SLC24A2: variants seen among roughly 807,000 people sequenced by gnomAD.
SLC24A2 encodes solute carrier family 24 member 2.
In SLC24A2, 36 loss-of-function variants were observed where a neutral mutation model predicts 62.0. The observed-to-expected ratio is 0.58, with a 90% CI of 0.44 to 0.77. The LOEUF is 0.77. SLC24A2 is among the 30% of genes least tolerant of loss of function. The pLI, the probability that SLC24A2 is intolerant of heterozygous loss-of-function variation, is 0.00. For missense variants in SLC24A2, 846 were observed against 817.9 expected (o/e 1.03, Z -0.42); for synonymous variants, 358 against 294.0 (o/e 1.22, Z -2.23).
chr9:20,008,086 G>A, the SLC24A2 span, among the ~76,000 whole-genome samples: 2 of 151,348 alleles, frequency 1.3e-5, no homozygotes, highest in African/African-American at 2.4e-5. Context: ...AATAGAGACG[G>A]GGTTTTGCCA....
At chr9:19,771,447 G>A (rs1423304620) in intron 2 of SLC24A2, among the ~76,000 whole-genome samples, 1 of 152,122 alleles carries the variant, frequency 6.6e-6, no homozygotes, top group Non-Finnish European at 1.5e-5. Context: ...CACTTAATTG[G>A]ACTTAAAATA....
the SLC24A2 span, among the ~76,000 whole-genome samples, chr9:20,280,074 T>C: frequency 6.6e-6 from 1 of 152,222 alleles, no homozygotes; most frequent in African/African-American, 2.4e-5. Context: ...GGCAGAGGCA[T>C]TGTCTTAGTT....
chr9:19,654,808 C>G (rs1818899587), intron 2 of SLC24A2, among the ~76,000 whole-genome samples: 1 of 152,184 alleles, frequency 6.6e-6, no homozygotes, highest in Non-Finnish European at 1.5e-5. Context: ...TTCCCTTTGG[C>G]CATTTAAATG....
chr9:19,724,389 A>C (rs1310423400), intron 2 of SLC24A2, among the ~76,000 whole-genome samples: 2 of 152,194 alleles, frequency 1.3e-5, no homozygotes, highest in Admixed American at 1.3e-4. Flanking sequence ...ATTATCTTTG[A>C]GAAAGGTGAT....
chr9:19,885,649 C>T, the SLC24A2 span, among the ~76,000 whole-genome samples: 62,169 of 151,842 alleles, frequency 0.41, 13,310 homozygotes, highest in East Asian at 0.84. Flanking sequence ...GTTGGTTATA[C>T]AGGTAAACTG....
the SLC24A2 span, among the ~76,000 whole-genome samples, chr9:20,296,673 T>A: frequency 7.2e-5 from 11 of 152,240 alleles, no homozygotes; most frequent in Admixed American, 7.2e-4. Context: ...GGTGACCCAC[T>A]GTGGTTTTTG....
At chr9:19,760,155 C>T (rs1007907) in intron 2 of SLC24A2, among the ~76,000 whole-genome samples, 114,820 of 151,890 alleles carry the variant, frequency 0.76, 43,519 homozygotes, top group South Asian at 0.8. Flanking sequence ...AAGACATTCA[C>T]CCATTACCTG....
chr9:19,578,846 G>A (rs923488046), intron 5 of SLC24A2, among the ~76,000 whole-genome samples: 8 of 152,132 alleles, frequency 5.3e-5, no homozygotes, highest in Non-Finnish European at 1.0e-4. Flanking sequence ...TTCTGCTCAC[G>A]GCTCCATTAG....
rs770759819 is a variant in SLC24A2 at position 19,550,285 on chromosome 9, G to A, written c.1348-17C>T. The stretch of plus-strand genomic sequence containing the variant: ...ATCAGCGGTCTGTGGTAGAAAAAGA[G>A]GTAAAATTAAACAAACAAAAAAATA... On this transcript the variant is annotated splice_polypyrimidine_tract_variant and intron_variant, in intron 7 of 10. Coordinates refer to ENST00000341998, the MANE Select transcript of SLC24A2 (RefSeq NM_020344.4). 5.6e-6 allele frequency: 9 copies of A among 1,613,292 alleles called. No homozygotes were observed. Among genetic ancestry groups the A allele is most frequent in the South Asian group, 1.1e-5 (1 of 91,034 alleles).
the SLC24A2 span, among the ~76,000 whole-genome samples, chr9:20,231,870 T>G: frequency 1.3e-5 from 2 of 152,136 alleles, no homozygotes; most frequent in East Asian, 3.8e-4. Context: ...TGGCTGTGGG[T>G]TTGTCATAGA....
the SLC24A2 span, among the ~76,000 whole-genome samples, chr9:20,289,870 T>C: frequency 6.6e-6 from 1 of 152,044 alleles, no homozygotes; most frequent in African/African-American, 2.4e-5. Context: ...AATGGAAAAA[T>C]TGGAATTTTT....
At chr9:19,637,027 A>G (rs926047385) in intron 2 of SLC24A2, among the ~76,000 whole-genome samples, 1 of 152,216 alleles carries the variant, frequency 6.6e-6, no homozygotes, top group Non-Finnish European at 1.5e-5. Flanking sequence ...TCCAAAGGGT[A>G]TGTATCTTGA....
chr9:20,293,136 G>A, the SLC24A2 span, among the ~76,000 whole-genome samples: 2 of 152,152 alleles, frequency 1.3e-5, no homozygotes, highest in Non-Finnish European at 2.9e-5. Context: ...TTGGATTAGG[G>A]ACCAGTCCTA....
the SLC24A2 span, among the ~76,000 whole-genome samples, chr9:20,118,776 T>C: frequency 6.6e-6 from 1 of 152,234 alleles, no homozygotes; most frequent in South Asian, 2.1e-4. Flanking sequence ...CTCATGAACA[T>C]AGATGCTGTG....
chr9:20,264,333 T>C, the SLC24A2 span, among the ~76,000 whole-genome samples: 1 of 152,204 alleles, frequency 6.6e-6, no homozygotes, highest in African/African-American at 2.4e-5. Flanking sequence ...AATCCCCTTT[T>C]CTCAGATAAC....
the SLC24A2 span, among the ~76,000 whole-genome samples, chr9:19,813,729 G>A: frequency 6.6e-6 from 1 of 152,116 alleles, no homozygotes; most frequent in Admixed American, 6.6e-5. Flanking sequence ...GGAGGTGGGT[G>A]CCTTTGGGAC....
At chr9:20,244,574 T>G in the SLC24A2 span, among the ~76,000 whole-genome samples, 1 of 152,240 alleles carries the variant, frequency 6.6e-6, no homozygotes, top group East Asian at 1.9e-4. Context: ...TTCTGTTGGA[T>G]TCCAAGTGAA....
At chr9:19,557,360 G>GGAAGGCCTGGGGGTGTTTTA (rs1237814474) in intron 7 of SLC24A2, among the ~76,000 whole-genome samples, 1 of 152,214 alleles carries the variant, frequency 6.6e-6, no homozygotes, top group Non-Finnish European at 1.5e-5. Flanking sequence ...AAACCTTCTT[G>GGAAGGCCTGGGGGTGTTTTA]GAAGGCCTGG....
At chr9:20,185,414 C>G in the SLC24A2 span, among the ~76,000 whole-genome samples, 2 of 151,610 alleles carry the variant, frequency 1.3e-5, no homozygotes, top group Admixed American at 6.6e-5. Flanking sequence ...GCCTGTAATC[C>G]CAGCACTTTG....
Sources: allele counts gnomAD v4.1 joint callset (sites outside exome capture counted in the v4.1 genomes callset), GRCh38; gene constraint gnomAD v4.1.1; transcripts MANE v1.5; gene names NCBI Gene and HGNC (gene_info 2026-07-23, HGNC 2026-07-21).